The following SV2A variants were observed in gnomAD, a reference collection of about 807,000 sequenced individuals.
The protein encoded by SV2A is solute carrier family 22 member B1.
Under a neutral mutation model 78.0 loss-of-function variants are expected in SV2A, and 25 were observed. That is an observed-to-expected ratio of 0.32 (90% CI 0.23 to 0.45). The LOEUF is 0.45. SV2A is among the 20% of genes least tolerant of loss of function. SV2A has a pLI of 1.00. For synonymous variants in SV2A, 355 were observed against 384.7 expected (o/e 0.92, Z 0.90); for missense variants, 752 against 971.5 (o/e 0.77, Z 3.00).
chr1:149,912,012 T>A, intron 2 of SV2A, 32 bp from the exon 3 acceptor site: 2 of 1,600,620 alleles, frequency 1.2e-6, no homozygotes, highest in Non-Finnish European at 1.7e-6. Flanking sequence ...GCAGAGGGGG[T>A]GTGAGCAGAC....
Position 149,913,650 on chromosome 1 carries a change from C to T in SV2A, c.191G>A (p.Gly64Asp). The T allele has an allele frequency of 6.2e-7, 1 of 1,614,154 alleles. No individual in the cohort carries two copies. Among genetic ancestry groups the T allele is most frequent in the South Asian group, 1.1e-5 (1 of 91,084 alleles). ...CTGGGTCCCTTCTCCTCGGTAATAA[C>T]CATCACTGGGAGCAGGGAAGTCATC... is the stretch of plus-strand genomic sequence containing the variant. ...DDDDFPAPSD[G>D]YYRGEGTQDE... The change falls in exon 2 of 13, where the codon GGT becomes GAT. Residue 64 changes from glycine (G) to aspartate (D), a missense_variant. Physicochemically the swap from Gly to Asp is moderately conservative, Grantham distance 94. Around this residue, in one of 7 missense-constraint regions of SV2A, gnomAD observed 291 missense variants for 359.5 expected, o/e 0.81. Coordinates refer to ENST00000369146, the MANE Select transcript of SV2A (RefSeq NM_014849.5).
In SV2A at chr1:149,905,191, T is replaced by G; in HGVS notation, c.2052A>C (p.Thr684=). ...ACAGGGCATTCAGGAAGCCAAAAGC[T>G]GTGGTCCTGCTCAGGAGTCCCCCAG... ...VELYPSDKRT[T]AFGFLNALCK... Residue 684 remains threonine, a synonymous_variant, in exon 13 of 13, where the codon ACA becomes ACC. Transcript: ENST00000369146. 4 of 1,607,220 alleles carry G rather than the reference T, an allele frequency of 2.5e-6. No homozygotes were observed. Among genetic ancestry groups the G allele is most frequent in the Non-Finnish European group, 3.4e-6 (4 of 1,176,900 alleles).
At chr1:149,909,959 C>A in intron 5 of SV2A, 69 bp from the exon 6 acceptor site, 1 of 1,453,856 alleles carries the variant, frequency 6.9e-7, no homozygotes, top group Admixed American at 1.8e-5. Context: ...AGACCCCCTC[C>A]CTCCCACCTG....
Position 149,910,422 on chromosome 1 carries a change from C to G in SV2A, c.1089+148G>C. On this transcript the variant is annotated intron_variant, in intron 5 of 12. Transcript: ENST00000369146. The surrounding 1 kb of genome is among the most constrained non-coding windows in gnomAD (Gnocchi z 4.2). ...CAAGGCAAAGAATGCAAGATAAAGT[C>G]CCCTGGAGAGTGGACTCTGTGAGGA... 8.3e-7 allele frequency: 1 copy of G among 1,198,156 alleles called. No homozygotes were observed. Among genetic ancestry groups the G allele is most frequent in the Non-Finnish European group, 1.1e-6 (1 of 884,074 alleles). 74.2% of individuals were successfully genotyped at this position (1,198,156 alleles called of 1,614,324 possible).
In SV2A at chr1:149,909,259, A is replaced by G; in HGVS notation, c.1312T>C (p.Cys438Arg). 6.2e-7 allele frequency: 1 copy of G among 1,614,106 alleles called. No individual in the cohort carries two copies. Among genetic ancestry groups the G allele is most frequent in the Non-Finnish European group, 8.5e-7 (1 of 1,180,028 alleles). The change falls in exon 8 of 13, where the codon TGT becomes CGT. Residue 438 changes from cysteine to arginine, a missense_variant. By Grantham distance (180) the Cys-to-Arg change is radical (BLOSUM62 -3). Coordinates refer to ENST00000369146, the MANE Select transcript of SV2A (RefSeq NM_014849.5). ...GGQVWGNFLS[C>R]FGPEYRRITL... ...ATGCGCCGATATTCGGGACCAAAACAGGAGAGAAAATTCCCCCAAACCTAC... is the reference window on the plus strand; with the variant it reads ...ATGCGCCGATATTCGGGACCAAAACGGGAGAGAAAATTCCCCCAAACCTAC...
chr1:149,909,974 C>G, intron 5 of SV2A, 84 bp from the exon 6 acceptor site: 1 of 1,324,670 alleles, frequency 7.5e-7, no homozygotes, highest in Middle Eastern at 1.8e-4. Context: ...CACCTGGCTT[C>G]TGTAGTCACA....
chr1:149,906,196 C>G (rs1304693268), intron 11 of SV2A, among the ~76,000 whole-genome samples, 157 bp from the exon 12 acceptor site: 2 of 152,176 alleles, frequency 1.3e-5, no homozygotes, highest in African/African-American at 2.4e-5. Flanking sequence ...TTTCACTCCT[C>G]CTCAACCTCC....
rs1284258015 is a variant in SV2A at position 149,917,017 on chromosome 1, C to T, written c.-348+722G>A. On this transcript the variant is annotated intron_variant, in intron 1 of 12. Coordinates refer to ENST00000369146, the MANE Select transcript of SV2A (RefSeq NM_014849.5). ...CTATCAGCATTTGCAGCGACCCCCCCACACCCCATCTTGCCTCAGCTCCGG... is the reference window on the plus strand; with the variant it reads ...CTATCAGCATTTGCAGCGACCCCCCTACACCCCATCTTGCCTCAGCTCCGG... 4.6e-5 allele frequency among the ~76,000 whole-genome samples: 7 copies of T among 152,132 alleles called. No homozygotes were observed. In the South Asian group the frequency reaches 8.3e-4, roughly 18 times the overall value.
rs920897100 is a variant in SV2A at position 149,911,745 on chromosome 1, A to C, written c.803+55T>G. ...GCACTGTGCTGGGCCCTAAAGATAC[A>C]ACAGTGACCAAGGCACAGTCCTGCC... is the stretch of plus-strand genomic sequence containing the variant. On this transcript the variant is annotated intron_variant, in intron 3 of 12. Transcript: ENST00000369146. 44 of 1,561,862 alleles carry C rather than the reference A, an allele frequency of 2.8e-5. No homozygotes were observed. The African/African-American group carries it at 5.6e-4, about 20-fold the overall frequency.
At chr1:149,909,426 C>T (rs782749790) in intron 7 of SV2A, 35 bp downstream of exon 7, 63 of 1,589,800 alleles carry the variant, frequency 4.0e-5, no homozygotes, top group Non-Finnish European at 5.1e-5. Flanking sequence ...CCACTTCCCC[C>T]ACTCCCTTCT....
At chr1:149,909,135 C>T in intron 8 of SV2A, 57 bp downstream of exon 8, 1 of 1,556,352 alleles carries the variant, frequency 6.4e-7, no homozygotes, top group Non-Finnish European at 8.9e-7. Context: ...CCACCTCTCT[C>T]CCAGCCCACA....
chr1:149,905,660 C>G, intron 12 of SV2A: 1 of 547,240 alleles, frequency 1.8e-6, no homozygotes, highest in Non-Finnish European at 3.2e-6. Context: ...CCAGGCTGGT[C>G]TCAAACTCCT....
chr1:149,910,868 C>G lies in SV2A; in HGVS notation c.913G>C (p.Val305Leu). ...WLCMFWMIGG[V>L]YAAAMAWAII... Reference sequence around the variant, plus strand: ...GCCCAGGCCATAGCAGCTGCGTACACGCCACCAATCATCCAAAACATGCAG... The same window carrying G: ...GCCCAGGCCATAGCAGCTGCGTACAGGCCACCAATCATCCAAAACATGCAG... The change falls in exon 4 of 13, where the codon GTG becomes CTG. Residue 305 changes from valine (V) to leucine (L), a missense_variant. Coordinates refer to ENST00000369146, the MANE Select transcript of SV2A (RefSeq NM_014849.5). The surrounding 1 kb of genome is among the most constrained non-coding windows in gnomAD (Gnocchi z 4.2). The G allele has an allele frequency of 6.2e-7, 1 of 1,614,206 alleles. No individual in the cohort carries two copies.
Position 149,909,228 on chromosome 1 carries a change from A to G in SV2A, c.1343T>C (p.Leu448Pro). ...GGTGAACCACACACCCATCATCATCAGAGTGATGCGCCGATATTCGGGACC... is the reference window on the plus strand; with the variant it reads ...GGTGAACCACACACCCATCATCATCGGAGTGATGCGCCGATATTCGGGACC... ...CFGPEYRRIT[L>P]MMMGVWFTMS... The change falls in exon 8 of 13, where the codon CTG becomes CCG. Residue 448 changes from leucine to proline, a missense_variant. This residue lies in a region of SV2A where 10 missense variants were observed against 31.1 expected (regional missense o/e 0.32). Coordinates refer to ENST00000369146, the MANE Select transcript of SV2A (RefSeq NM_014849.5). 1 of 1,614,088 alleles carries G rather than the reference A, an allele frequency of 6.2e-7. No individual in the cohort carries two copies. The highest frequency in any genetic ancestry group is 8.5e-7 in the Non-Finnish European group (1 of 1,180,024).
chr1:149,909,451 C>G lies in SV2A; in HGVS notation c.1290+10G>C. ...CACTCCCTTCTATCTACCACCCCGT[C>G]CACCATTACCTGCCCCCCTAGGCTC... On this transcript the variant is annotated intron_variant, in intron 7 of 12. Transcript: ENST00000369146. 1 of 1,610,218 alleles carries G rather than the reference C, an allele frequency of 6.2e-7. No individual in the cohort carries two copies. Among genetic ancestry groups the G allele is most frequent in the Non-Finnish European group, 8.5e-7 (1 of 1,176,616 alleles).
intron 1 of SV2A, among the ~76,000 whole-genome samples, chr1:149,916,718 T>A (rs587646195): frequency 6.6e-6 from 1 of 152,084 alleles, no homozygotes; most frequent in African/African-American, 2.4e-5. Context: ...CAATCACTTA[T>A]CAAAACGTCC....
Position 149,905,166 on chromosome 1 carries a change from A to G in SV2A, c.2077T>C (p.Cys693Arg). ...ATCCCCAGCACAGCTGCCAGCTTAC[A>G]CAGGGCATTCAGGAAGCCAAAAGCT... ...TTAFGFLNAL[C>R]KLAAVLGISI... is the part of the protein sequence containing the mutation. The change falls in exon 13 of 13, where the codon TGT becomes CGT. Residue 693 changes from cysteine (C) to arginine (R), a missense_variant. By Grantham distance (180) the Cys-to-Arg change is radical. This residue lies in a region of SV2A where 186 missense variants were observed against 274.6 expected (regional missense o/e 0.68). Transcript: ENST00000369146. 3 of 1,611,240 alleles carry G rather than the reference A, an allele frequency of 1.9e-6. No individual in the cohort carries two copies. Among genetic ancestry groups the G allele is most frequent in the Non-Finnish European group, 2.5e-6 (3 of 1,178,806 alleles).
chr1:149,905,677 A>G (rs2092432897), intron 12 of SV2A: 1 of 626,666 alleles, frequency 1.6e-6, no homozygotes, highest in Non-Finnish European at 2.7e-6. Flanking sequence ...TCCTGACCTC[A>G]GGTGATCTGC....
Position 149,904,695 on chromosome 1 carries a change from A to G in SV2A, c.*319T>C, listed in dbSNP as rs2092423501. ...GGGAAGGCAGGAAGCCTATTCTGGA[A>G]CCCCTGGAACAGGGAAGCAAGGGCC... On this transcript the variant is annotated 3_prime_UTR_variant, in exon 13 of 13. Transcript: ENST00000369146. 3 of 266,870 alleles carry G rather than the reference A, an allele frequency of 1.1e-5. No homozygotes were observed. The highest frequency in any genetic ancestry group is 2.2e-5 in the African/African-American group (1 of 45,562). 16.5% of individuals were successfully genotyped at this position (266,870 alleles called of 1,614,324 possible).
Sources: gnomAD v4.1 joint callset for allele counts (sites outside exome capture counted in the v4.1 genomes callset) on GRCh38, gnomAD v4.1.1 for gene constraint, gnomAD v4.1.1 regional missense constraint, Gnocchi (gnomAD v3.1) non-coding constraint, MANE v1.5 for transcripts, NCBI Gene and HGNC (gene_info 2026-07-23, HGNC 2026-07-21) for gene names.